The following ARFGEF3 variants were observed in gnomAD, a reference collection of about 807,000 sequenced individuals.
ARFGEF3 encodes brefeldin A-inhibited guanine nucleotide-exchange protein 3.
A neutral mutation model predicts 221.7 loss-of-function variants in ARFGEF3; 96 were observed. The observed-to-expected ratio is 0.43, with a 90% CI of 0.37 to 0.51. The LOEUF (loss-of-function observed/expected upper bound fraction) is 0.51, where lower values mean the gene tolerates loss of function less well. Ranked by LOEUF, ARFGEF3 falls within the 20% of genes least tolerant of loss-of-function variation. ARFGEF3 has a pLI of 0.00. For missense variants in ARFGEF3, 2,410 were observed against 2,789.9 expected, an observed-to-expected ratio of 0.86 and a Z score of 3.07; for synonymous variants, 1,145 against 1,126.8, an observed-to-expected ratio of 1.02 and a Z score of -0.32.
At chr6:138,239,003 TG>T (rs1460138574) in intron 6 of ARFGEF3, among the ~76,000 whole-genome samples, 12 of 152,334 alleles carry the variant, frequency 7.9e-5, no homozygotes, top group African/African-American at 2.9e-4. Flanking sequence ...GCTTTGAGGT[TG>T]GGTATGTTTC....
intron 2 of ARFGEF3, among the ~76,000 whole-genome samples, chr6:138,196,346 C>T (rs559217790): frequency 1.3e-5 from 2 of 152,358 alleles, no homozygotes; most frequent in African/African-American, 4.8e-5. Flanking sequence ...TACACCTAGG[C>T]TGTAGGCCTA....
Position 138,337,384 on chromosome 6 carries a change from A to G in ARFGEF3, c.*898A>G, listed in dbSNP as rs1452476772. The G allele has an allele frequency of 2.6e-5, 4 of 152,674 alleles. No individual in the cohort carries two copies. The highest frequency in any genetic ancestry group is 4.4e-5 in the Non-Finnish European group (3 of 68,048). 9.5% of individuals were successfully genotyped at this position (152,674 alleles called of 1,614,324 possible). On this transcript the variant is annotated 3_prime_UTR_variant, in exon 34 of 34. Transcript: ENST00000251691. ...TGCACTTCCATTTCCATGCCCCACA[A>G]TTGTCTGAACATAAGGTATAGCATT... is the stretch of plus-strand genomic sequence containing the variant.
chr6:138,217,975 C>A, intron 4 of ARFGEF3: 1 of 1,582,658 alleles, frequency 6.3e-7, no homozygotes, highest in South Asian at 1.2e-5. Flanking sequence ...GGCTTTGCAG[C>A]AGGGCTGAGA....
rs1414312476 is a variant in ARFGEF3 at position 138,338,302 on chromosome 6, T to A, written c.*1816T>A. The A allele has an allele frequency of 1.3e-5, 2 of 152,236 alleles. No homozygotes were observed. Among genetic ancestry groups the A allele is most frequent in the African/African-American group, 2.4e-5 (1 of 41,458 alleles). The allele number at this position is 152,236 out of a possible 1,614,324, so 9.4% of individuals were successfully genotyped here. On this transcript the variant is annotated 3_prime_UTR_variant, in exon 34 of 34. Coordinates refer to ENST00000251691, the MANE Select transcript of ARFGEF3 (RefSeq NM_020340.5). ...TTGAAAGTTGGATAACTGCTTTTTTTAAATTTTCCAACAGAAGTAACACCA... is the reference window on the plus strand; with the variant it reads ...TTGAAAGTTGGATAACTGCTTTTTTAAAATTTTCCAACAGAAGTAACACCA...
chr6:138,162,001 C>T lies in ARFGEF3; in HGVS notation c.-86C>T, dbSNP rs371377541. On this transcript the variant is annotated 5_prime_UTR_variant, in exon 1 of 34. Transcript: ENST00000251691. The surrounding 1 kb of genome is among the most constrained non-coding windows in gnomAD (Gnocchi z 4.7). ...CGCGCGCGGCGGCCGCCTAGGCGCC[C>T]AGGGCCAGGCAGCGGCGGCTTCCCC... 0.015 allele frequency: 13,015 copies of T among 869,888 alleles called. 167 individuals carry two copies. Among genetic ancestry groups the T allele is most frequent in the South Asian group, 0.032 (1,160 of 36,714 alleles). 53.9% of individuals were successfully genotyped at this position (869,888 alleles called of 1,614,324 possible).
At chr6:138,289,669 T>C in intron 17 of ARFGEF3, 149 bp from the exon 18 acceptor site, 1 of 764,202 alleles carries the variant, frequency 1.3e-6, no homozygotes, top group Non-Finnish European at 2.1e-6. Flanking sequence ...GTTTGCATGA[T>C]GGTCCGCAAG....
At chr6:138,329,446 C>A (rs1193181693) in intron 32 of ARFGEF3, among the ~76,000 whole-genome samples, 1 of 152,110 alleles carries the variant, frequency 6.6e-6, no homozygotes, top group Non-Finnish European at 1.5e-5. Flanking sequence ...GACAGATCAC[C>A]TGAGGTCAGG....
At chr6:138,261,067 A>C (rs1778781534) in intron 10 of ARFGEF3, among the ~76,000 whole-genome samples, 1 of 152,198 alleles carries the variant, frequency 6.6e-6, no homozygotes, top group African/African-American at 2.4e-5. Context: ...CAAGCTATAC[A>C]AGCATTCAAG....
intron 12 of ARFGEF3, among the ~76,000 whole-genome samples, chr6:138,277,926 A>C (rs1452116513): frequency 6.6e-6 from 1 of 152,198 alleles, no homozygotes; most frequent in Non-Finnish European, 1.5e-5. Flanking sequence ...GACTTGGCAG[A>C]ATTGAGGGAG....
At chr6:138,177,647 C>G (rs761305819) in intron 2 of ARFGEF3, among the ~76,000 whole-genome samples, 5 of 152,112 alleles carry the variant, frequency 3.3e-5, no homozygotes, top group Non-Finnish European at 7.4e-5. Context: ...TCCCAAATAT[C>G]TCAAAGGCTT....
At chr6:138,296,241 C>A (rs745731988) in intron 20 of ARFGEF3, among the ~76,000 whole-genome samples, 12 of 152,126 alleles carry the variant, frequency 7.9e-5, no homozygotes, top group Non-Finnish European at 1.5e-4. Context: ...TTGGCAAAGG[C>A]TGCAGAGGTT....
chr6:138,283,599 G>A (rs925983393), intron 14 of ARFGEF3, among the ~76,000 whole-genome samples: 5 of 152,232 alleles, frequency 3.3e-5, no homozygotes, highest in Admixed American at 6.5e-5. Context: ...CATTATGTAT[G>A]AGGAGAAGCA....
intron 33 of ARFGEF3, 100 bp downstream of exon 33, chr6:138,335,288 GA>G: frequency 8.1e-7 from 1 of 1,237,964 alleles, no homozygotes; most frequent in Non-Finnish European, 1.1e-6. Context: ...AAGATTTATA[GA>G]AACAGGTAGG....
rs772843349 is a variant in ARFGEF3, at chr6:138,291,926, C to T, written c.3241C>T (p.Pro1081Ser). The T allele has an allele frequency of 7.0e-5, 105 of 1,504,470 alleles. No individual in the cohort carries two copies. The highest frequency in any genetic ancestry group is 3.5e-4 in the Middle Eastern group (2 of 5,760). The allele number at this position is 1,504,470 out of a possible 1,614,324, so 93.2% of individuals were successfully genotyped here. A position where few individuals can be genotyped will look rare whatever the true frequency, so the allele number is the denominator to read the frequency against. Residue 1081 changes from proline to serine, a missense_variant, in exon 19 of 34, where the codon CCC (proline) becomes TCC (serine). Coordinates refer to ENST00000251691, the MANE Select transcript of ARFGEF3 (RefSeq NM_020340.5). This position sits in a 1 kb window ranked among gnomAD's most constrained non-coding sequence, Gnocchi z 4.5. The part of the protein sequence containing the change: ...RSLSTAPVVQ[P>S]LSIQDLVREG... ...CCTGAGCACGGCCCCTGTCGTCCAG[C>T]CCCTGTCCATCCAGGACCTCGTCCG...
intron 19 of ARFGEF3, 62 bp downstream of exon 19, chr6:138,292,115 C>G: frequency 7.5e-7 from 1 of 1,334,018 alleles, no homozygotes; most frequent in Non-Finnish European, 9.7e-7. Flanking sequence ...CCACATCCAT[C>G]TGGTTTCAGT....
chr6:138,289,474 G>A (rs1779358986), intron 17 of ARFGEF3, among the ~76,000 whole-genome samples: 1 of 152,194 alleles, frequency 6.6e-6, no homozygotes, highest in African/African-American at 2.4e-5. Flanking sequence ...TTTTGGGAAG[G>A]GTGAAAGGTC....
At chr6:138,247,151 G>T (rs1778498739) in intron 8 of ARFGEF3, among the ~76,000 whole-genome samples, 1 of 152,056 alleles carries the variant, frequency 6.6e-6, no homozygotes, top group Non-Finnish European at 1.5e-5. Flanking sequence ...GCTTCCCCTT[G>T]CTCAGGAGGG....
intron 11 of ARFGEF3, among the ~76,000 whole-genome samples, chr6:138,262,340 C>T (rs894390312): frequency 2.0e-5 from 3 of 152,072 alleles, no homozygotes; most frequent in Admixed American, 6.6e-5. Flanking sequence ...CAGGCACATA[C>T]CAACCACACC....
chr6:138,176,618 C>A (rs1255258689), intron 2 of ARFGEF3, among the ~76,000 whole-genome samples: 1 of 151,702 alleles, frequency 6.6e-6, no homozygotes, highest in South Asian at 2.1e-4. Context: ...TTGTTTTTTT[C>A]TTTTTCTCTG....
Sources: allele counts gnomAD v4.1 joint callset (sites outside exome capture counted in the v4.1 genomes callset), GRCh38; gene constraint gnomAD v4.1.1; non-coding constraint Gnocchi (gnomAD v3.1); transcripts MANE v1.5; gene names NCBI Gene and HGNC (gene_info 2026-07-23, HGNC 2026-07-21).